IPMK: variants seen among roughly 807,000 people sequenced by gnomAD.
IPMK encodes the protein inositol 1,3,4,6-tetrakisphosphate 5-kinase.
Under a neutral mutation model 45.8 loss-of-function variants are expected in IPMK, and 17 were observed. That is an observed-to-expected ratio of 0.37 (90% CI 0.25 to 0.56). The LOEUF (loss-of-function observed/expected upper bound fraction) is 0.56, where lower values mean the gene tolerates loss of function less well. IPMK is among the 20% of genes least tolerant of loss of function. The probability of loss-of-function intolerance (pLI) is 0.79; values close to 1 mark genes in which losing one functional copy is unlikely to be tolerated. For synonymous variants in IPMK, 180 were observed against 184.3 expected (o/e 0.98, Z 0.19); for missense variants, 399 against 498.0 (o/e 0.80, Z 1.89).
At chr10:58,197,441 G>C (rs1286883312) in intron 5 of IPMK, among the ~76,000 whole-genome samples, 2 of 147,288 alleles carry the variant, frequency 1.4e-5, no homozygotes, top group Admixed American at 6.9e-5. Flanking sequence ...ACGAGGTCAG[G>C]AGATCGAGAC....
intron 1 of IPMK, among the ~76,000 whole-genome samples, chr10:58,247,809 A>G (rs575573029): frequency 1.1e-4 from 16 of 152,296 alleles, no homozygotes; most frequent in African/African-American, 3.6e-4. Context: ...GTATAACAAT[A>G]AATAAATAAA....
chr10:58,263,255 G>A (rs1269560541), intron 1 of IPMK, among the ~76,000 whole-genome samples: 2 of 152,008 alleles, frequency 1.3e-5, no homozygotes, highest in Non-Finnish European at 2.9e-5. Context: ...GCCCAGCAGT[G>A]GTTCATGCCT....
chr10:58,244,654 T>C (rs539085077), intron 1 of IPMK, among the ~76,000 whole-genome samples: 1 of 152,272 alleles, frequency 6.6e-6, no homozygotes, highest in African/African-American at 2.4e-5. Flanking sequence ...TGTGTCTGTG[T>C]AGAAAGAAGT....
intron 2 of IPMK, among the ~76,000 whole-genome samples, chr10:58,232,763 TA>T (rs1283039779): frequency 6.6e-6 from 1 of 151,970 alleles, no homozygotes; most frequent in Non-Finnish European, 1.5e-5. Flanking sequence ...ACGTCACAAT[TA>T]AAAGAACTAG....
chr10:58,243,327 A>G (rs1182781153), intron 1 of IPMK, among the ~76,000 whole-genome samples: 1 of 152,178 alleles, frequency 6.6e-6, no homozygotes, highest in Non-Finnish European at 1.5e-5. Context: ...TATACATTGT[A>G]TATGTATACA....
At position 58,196,102 on chromosome 10, in the gene IPMK, C is replaced by G. The variant is rs373653986; in HGVS notation, c.1225G>C (p.Val409Leu). The G allele has an allele frequency of 2.4e-5, 38 of 1,612,978 alleles. No homozygotes were observed. Among genetic ancestry groups the G allele is most frequent in the Non-Finnish European group, 2.9e-5 (34 of 1,179,334 alleles). The change falls in exon 6 of 6, where the codon GTA becomes CTA. Residue 409 changes from valine (V) to leucine (L), a missense_variant. By Grantham distance (32) the Val-to-Leu change is conservative. Around this residue, in one of 2 missense-constraint regions of IPMK, gnomAD observed 288 missense variants for 398.0 expected, o/e 0.72. Transcript: ENST00000373935. ...CAATTGTCTAAAATACTTCGAAGTA[C>G]AGAAATTAAATGCTTTAGCCCATAA... is the stretch of plus-strand genomic sequence containing the variant. Reference protein sequence around the residue: ...YVYGLKHLISVLRSILDN With the variant: ...YVYGLKHLISLLRSILDN
intron 2 of IPMK, among the ~76,000 whole-genome samples, chr10:58,230,119 A>G (rs1385548300): frequency 6.6e-6 from 1 of 152,152 alleles, no homozygotes; most frequent in African/African-American, 2.4e-5. Flanking sequence ...GGAATCCACC[A>G]TTGCTGAGGC....
Position 58,196,679 on chromosome 10 carries a change from A to T in IPMK, c.648T>A (p.His216Gln). The T allele has an allele frequency of 6.3e-7, 1 of 1,581,320 alleles. No individual in the cohort carries two copies. The highest frequency in any genetic ancestry group is 1.2e-5 in the South Asian group (1 of 84,846). ...TIKDGVSRFF[H>Q]NGYCLRKDAV... ...CATCTTTTCTTAAGCAGTACCCATT[A>T]TGAAAAAATCTGGAGACTCCTATAA... The change falls in exon 6 of 6, where the codon CAT (histidine) becomes CAA (glutamine). Residue 216 changes from histidine (H) to glutamine (Q), a missense_variant. Physicochemically the swap from His to Gln is conservative, Grantham distance 24. This residue lies in a region of IPMK where 288 missense variants were observed against 398.0 expected (regional missense o/e 0.72). Transcript: ENST00000373935.
chr10:58,245,543 C>T (rs867636955), intron 1 of IPMK, among the ~76,000 whole-genome samples: 24 of 148,480 alleles, frequency 1.6e-4, no homozygotes, highest in Non-Finnish European at 3.1e-4. Context: ...ACACAGGAGG[C>T]GGATGCTACA....
At chr10:58,251,561 A>C (rs1245112711) in intron 1 of IPMK, among the ~76,000 whole-genome samples, 1 of 152,256 alleles carries the variant, frequency 6.6e-6, no homozygotes, top group South Asian at 2.1e-4. Flanking sequence ...TCATGTGTCT[A>C]TTGCCAAAAG....
chr10:58,265,406 A>T (rs935859242), intron 1 of IPMK, among the ~76,000 whole-genome samples: 2 of 152,220 alleles, frequency 1.3e-5, no homozygotes, highest in Non-Finnish European at 2.9e-5. Context: ...CATGATCTAA[A>T]TGATGTAAAC....
At chr10:58,197,694 T>C (rs1184950794) in intron 5 of IPMK, among the ~76,000 whole-genome samples, 2 of 148,976 alleles carry the variant, frequency 1.3e-5, no homozygotes, top group African/African-American at 5.0e-5. Flanking sequence ...AGAAATAGGA[T>C]TCAAGACTTG....
At chr10:58,216,718 T>C (rs2132153033) in intron 3 of IPMK, among the ~76,000 whole-genome samples, 1 of 152,306 alleles carries the variant, frequency 6.6e-6, no homozygotes, top group Non-Finnish European at 1.5e-5. Context: ...CATTTAAAAT[T>C]AGTAATAGGA....
chr10:58,240,444 T>TG (rs1838679873), intron 1 of IPMK, among the ~76,000 whole-genome samples: 2 of 151,834 alleles, frequency 1.3e-5, no homozygotes, highest in African/African-American at 2.4e-5. Context: ...AATGTGTAGT[T>TG]GGGGTCCCAT....
At chr10:58,249,300 A>G (rs895268653) in intron 1 of IPMK, among the ~76,000 whole-genome samples, 2 of 152,198 alleles carry the variant, frequency 1.3e-5, no homozygotes, top group Non-Finnish European at 2.9e-5. Flanking sequence ...AGCTCACTGC[A>G]GCCTCCATCC....
In IPMK at chr10:58,199,270, T is replaced by C; in HGVS notation, c.598A>G (p.Arg200Gly). 3 of 1,609,052 alleles carry C rather than the reference T, an allele frequency of 1.9e-6. No homozygotes were observed. The highest frequency in any genetic ancestry group is 2.5e-6 in the Non-Finnish European group (3 of 1,177,418). ...TTTATAGTTTCTTTTGTTAAGCTTC[T>C]TCCGTAATGCTGGTTTTCTGTCTCA... ...SYETENQHYG[R>G]SLTKETIKDG... Residue 200 changes from arginine to glycine, a missense_variant, in exon 5 of 6, where the codon AGA becomes GGA. Transcript: ENST00000373935.
At position 58,196,401 on chromosome 10, in the gene IPMK, G is replaced by A. The variant is rs541806725; in HGVS notation, c.926C>T (p.Ser309Leu). 1.3e-5 allele frequency: 21 copies of A among 1,613,898 alleles called. No homozygotes were observed. The highest frequency in any genetic ancestry group is 1.7e-5 in the Non-Finnish European group (20 of 1,179,984). Residue 309 changes from serine (S) to leucine (L), a missense_variant, in exon 6 of 6, where the codon TCA (serine) becomes TTA (leucine). Ser to Leu is a moderately radical substitution (Grantham distance 145). Coordinates refer to ENST00000373935, the MANE Select transcript of IPMK (RefSeq NM_152230.5). ...CATCTTGGACAAGCTTTTGCCCACT[G>A]AAGACTCTATTTTTCCATTAGCTGT... ...SSTANGKIES[S>L]VGKSLSKMYA...
At chr10:58,197,878 C>G (rs1329381805) in intron 5 of IPMK, among the ~76,000 whole-genome samples, 3 of 151,668 alleles carry the variant, frequency 2.0e-5, no homozygotes, top group Non-Finnish European at 4.4e-5. Context: ...ACTAAAAATA[C>G]AAAAATTAGG....
chr10:58,267,699 G>A lies in IPMK; in HGVS notation c.-88C>T, dbSNP rs542385704. On this transcript the variant is annotated 5_prime_UTR_variant, in exon 1 of 6. Coordinates refer to ENST00000373935, the MANE Select transcript of IPMK (RefSeq NM_152230.5). ...CGCCGGAGAACCCGAGGGTCGCTCA[G>A]GCTCGGGCGCGAGGAGGCCCGGGGG... The A allele has an allele frequency of 2.8e-3, 2,352 of 846,416 alleles. 35 individuals carry two copies. In the African/African-American group the frequency reaches 0.034, roughly 12 times the overall value. The allele number at this position is 846,416 out of a possible 1,614,324, so 52.4% of individuals were successfully genotyped here.
Sources: allele counts gnomAD v4.1 joint callset (sites outside exome capture counted in the v4.1 genomes callset), GRCh38; gene constraint gnomAD v4.1.1; regional missense constraint gnomAD v4.1.1; transcripts MANE v1.5; gene names NCBI Gene and HGNC (gene_info 2026-07-23, HGNC 2026-07-21).